The following CELSR1 variants were observed in gnomAD, a reference collection of about 807,000 sequenced individuals.
The protein encoded by CELSR1 is cadherin EGF LAG seven-pass G-type receptor 1, also known as adhesion G protein-coupled receptor C1.
A neutral mutation model predicts 249.1 loss-of-function variants in CELSR1; 110 were observed. That is an observed-to-expected ratio of 0.44 (90% confidence interval 0.38 to 0.52). The LOEUF (loss-of-function observed/expected upper bound fraction) is 0.52, where lower values mean the gene tolerates loss of function less well. Among genes scored for constraint, CELSR1 ranks in the 20% least tolerant of loss-of-function variants. The pLI is 0.00. For synonymous variants in CELSR1, 2,113 were observed against 1,900.0 expected, an observed-to-expected ratio of 1.11 and a Z score of -2.92; for missense variants, 4,109 against 4,296.4, an observed-to-expected ratio of 0.96 and a Z score of 1.22.
chr22:46,398,740 C>A lies in CELSR1; in HGVS notation c.5413-103G>T. The A allele has an allele frequency of 1.2e-6, 1 of 852,478 alleles. No homozygotes were observed. Among genetic ancestry groups the A allele is most frequent in the South Asian group, 1.8e-5 (1 of 56,414 alleles). 52.8% of individuals were successfully genotyped at this position (852,478 alleles called of 1,614,324 possible). ...CTGGAAGTCTAAACAGTCACTTCAACAAACTCCGCAGAGCCTGAGGACATC... is the reference window on the plus strand; with the variant it reads ...CTGGAAGTCTAAACAGTCACTTCAAAAAACTCCGCAGAGCCTGAGGACATC... On this transcript the variant is annotated intron_variant, in intron 10 of 34. Transcript: ENST00000674500. This position sits in a 1 kb window ranked among gnomAD's most constrained non-coding sequence, Gnocchi z 7.2.
chr22:46,411,484 T>C lies in CELSR1; in HGVS notation c.4769+118A>G. 1 of 1,153,852 alleles carries C rather than the reference T, an allele frequency of 8.7e-7. No individual in the cohort carries two copies. The highest frequency in any genetic ancestry group is 1.2e-6 in the Non-Finnish European group (1 of 825,304). The allele number at this position is 1,153,852 out of a possible 1,614,324, so 71.5% of individuals were successfully genotyped here. On this transcript the variant is annotated intron_variant, in intron 6 of 34. Transcript: ENST00000674500. The surrounding 1 kb of genome is among the most constrained non-coding windows in gnomAD (Gnocchi z 4.2). ...CAGGATGTCTGACTCTAGCCTGGAA[T>C]GAGGTCGCCAGGGCACTGCACCCAG...
chr22:46,394,339 C>T, intron 13 of CELSR1, 77 bp from the exon 14 acceptor site: 3 of 1,512,834 alleles, frequency 2.0e-6, no homozygotes, highest in South Asian at 2.5e-5. Context: ...CTGCAGGCAG[C>T]ATGGAGATGG....
At position 46,417,202 on chromosome 22, in the gene CELSR1, G is replaced by A. The variant is rs2079413069; in HGVS notation, c.4612-5443C>T. Among the ~76,000 whole-genome samples, 2 of 152,192 alleles carry A rather than the reference G, an allele frequency of 1.3e-5. No homozygotes were observed. The highest frequency in any genetic ancestry group is 2.9e-5 in the Non-Finnish European group (2 of 68,032). ...CCAGGAAATGTGGGCAAGACCCCGTGCCAGTTCTGGCATGGAGACGACAAG... is the reference window on the plus strand; with the variant it reads ...CCAGGAAATGTGGGCAAGACCCCGTACCAGTTCTGGCATGGAGACGACAAG... On this transcript the variant is annotated intron_variant, in intron 5 of 34. Transcript: ENST00000674500. The surrounding 1 kb of genome is among the most constrained non-coding windows in gnomAD (Gnocchi z 4.1).
chr22:46,377,733 C>T (rs1287155280), intron 23 of CELSR1: 1 of 180,400 alleles, frequency 5.5e-6, no homozygotes, highest in African/African-American at 2.3e-5. Flanking sequence ...TGACATTTGC[C>T]CATGAGACAG....
Position 46,408,880 on chromosome 22 carries a change from C to G in CELSR1, c.5226+116G>C. 1.3e-6 allele frequency: 1 copy of G among 780,900 alleles called. No homozygotes were observed. Among genetic ancestry groups the G allele is most frequent in the Non-Finnish European group, 2.0e-6 (1 of 509,840 alleles). The allele number at this position is 780,900 out of a possible 1,614,324, so 48.4% of individuals were successfully genotyped here. Reference sequence around the variant, plus strand: ...CTCTTCGGAGAACCCCAGGGGCGGGCGCCGGAGGAAGGGCGAGTAGCAGGT... The same window carrying G: ...CTCTTCGGAGAACCCCAGGGGCGGGGGCCGGAGGAAGGGCGAGTAGCAGGT... On this transcript the variant is annotated intron_variant, in intron 9 of 34. Transcript: ENST00000674500. The surrounding 1 kb of genome is among the most constrained non-coding windows in gnomAD (Gnocchi z 4.6).
At chr22:46,523,711 TGCTCTGAGCA>T (rs1293671109) in intron 1 of CELSR1, among the ~76,000 whole-genome samples, 1 of 152,090 alleles carries the variant, frequency 6.6e-6, no homozygotes, top group African/African-American at 2.4e-5. Context: ...CGTCAGCCCC[TGCTCTGAGCA>T]GGCTCCTCAT....
chr22:46,478,257 C>T (rs550372349), intron 1 of CELSR1, among the ~76,000 whole-genome samples: 27 of 152,304 alleles, frequency 1.8e-4, no homozygotes, highest in East Asian at 1.7e-3. Flanking sequence ...GAGATTGACA[C>T]GGGCTGGGCC....
chr22:46,474,785 C>CTGCTTTTT (rs1555925990), intron 1 of CELSR1, among the ~76,000 whole-genome samples: 72 of 45,158 alleles, frequency 1.6e-3, no homozygotes, highest in South Asian at 2.5e-3. Context: ...CTACTCTCTA[C>CTGCTTTTT]TTCTTTTTTT....
At chr22:46,389,931 G>A (rs1420325326) in intron 17 of CELSR1, among the ~76,000 whole-genome samples, 3 of 152,066 alleles carry the variant, frequency 2.0e-5, no homozygotes, top group African/African-American at 7.2e-5. Context: ...TAGCTTAGGA[G>A]ATAGAGTGAG....
Position 46,458,005 on chromosome 22 carries a change from A to G in CELSR1, c.4183+5702T>C, listed in dbSNP as rs148546961. On this transcript the variant is annotated intron_variant, in intron 2 of 34. Coordinates refer to ENST00000674500, the MANE Select transcript of CELSR1 (RefSeq NM_001378328.1). ...CGGTGCCTGCTGCAGACCCGCGGGC[A>G]TGTTCTGTTGGGCGGAGGACGCTGC... is the stretch of plus-strand genomic sequence containing the variant. Among the ~76,000 whole-genome samples, 648 of 152,310 alleles carry G rather than the reference A, an allele frequency of 4.3e-3. 2 individuals carry two copies. Among genetic ancestry groups the G allele is most frequent in the Non-Finnish European group, 7.0e-3 (474 of 68,026 alleles).
Position 46,429,038 on chromosome 22 carries a change from G to A in CELSR1, c.4611+4355C>T, listed in dbSNP as rs766844800. Among the ~76,000 whole-genome samples, 38 of 152,170 alleles carry A rather than the reference G, an allele frequency of 2.5e-4. No individual in the cohort carries two copies. The highest frequency in any genetic ancestry group is 4.6e-4 in the Admixed American group (7 of 15,272). On this transcript the variant is annotated intron_variant, in intron 5 of 34. Coordinates refer to ENST00000674500, the MANE Select transcript of CELSR1 (RefSeq NM_001378328.1). This position sits in a 1 kb window ranked among gnomAD's most constrained non-coding sequence, Gnocchi z 4.1. The stretch of plus-strand genomic sequence containing the variant: ...ACCCTGCCAGGAGCTCCTGGAACAA[G>A]GTGGGGTCTAAACGTGATCCCCGCA...
chr22:46,444,593 A>T (rs2079795799), intron 2 of CELSR1, among the ~76,000 whole-genome samples: 1 of 152,236 alleles, frequency 6.6e-6, no homozygotes, highest in African/African-American at 2.4e-5. Flanking sequence ...TGCTTTTTTA[A>T]TGCGGAGTTG....
chr22:46,511,178 C>T (rs1440464120), intron 1 of CELSR1, among the ~76,000 whole-genome samples: 3 of 152,172 alleles, frequency 2.0e-5, no homozygotes, highest in African/African-American at 7.2e-5. Context: ...ATTATAGACC[C>T]TTGGCAGTTT....
intron 17 of CELSR1, among the ~76,000 whole-genome samples, chr22:46,389,983 A>C (rs1439194655): frequency 6.6e-6 from 1 of 152,102 alleles, no homozygotes. Context: ...AAAAGCCCAA[A>C]AATGAGCACT....
intron 1 of CELSR1, among the ~76,000 whole-genome samples, chr22:46,513,716 A>C (rs1350003405): frequency 6.6e-6 from 1 of 152,188 alleles, no homozygotes; most frequent in East Asian, 1.9e-4. Context: ...TCACCTGCGC[A>C]GAGAGCCTCC....
chr22:46,468,387 A>G lies in CELSR1; in HGVS notation c.3545-4042T>C. ...GGCAACAAAGCAAGACTCTGTCTCA[A>G]AAAAAAAAAAAAATGTGGTCCATGC... On this transcript the variant is annotated intron_variant, in intron 1 of 34. Transcript: ENST00000674500. The surrounding 1 kb of genome is among the most constrained non-coding windows in gnomAD (Gnocchi z 4.5). Among the ~76,000 whole-genome samples, 1 of 48,140 alleles carries G rather than the reference A, an allele frequency of 2.1e-5. No individual in the cohort carries two copies. Among genetic ancestry groups the G allele is most frequent in the Admixed American group, 1.7e-4 (1 of 5,882 alleles). The allele number at this position is 48,140 out of a possible 152,430, so 31.6% of individuals were successfully genotyped here. A position where few individuals can be genotyped will look rare whatever the true frequency, so the allele number is the denominator to read the frequency against.
rs892472853 is a variant in CELSR1 at position 46,506,790 on chromosome 22, G to A, written c.3544+26837C>T. On this transcript the variant is annotated intron_variant, in intron 1 of 34. Coordinates refer to ENST00000674500, the MANE Select transcript of CELSR1 (RefSeq NM_001378328.1). The surrounding 1 kb of genome is among the most constrained non-coding windows in gnomAD (Gnocchi z 4.1). The stretch of plus-strand genomic sequence containing the variant: ...GATGCTGAGATCTCTCCGGAAAGAT[G>A]CCCGATAACAGGAAGCTGAGGCCAA... Among the ~76,000 whole-genome samples the A allele has an allele frequency of 2.6e-5, 4 of 152,204 alleles. No individual in the cohort carries two copies. The highest frequency in any genetic ancestry group is 9.7e-5 in the African/African-American group (4 of 41,446).
At chr22:46,513,771 G>C (rs144992195) in intron 1 of CELSR1, among the ~76,000 whole-genome samples, 29 of 152,240 alleles carry the variant, frequency 1.9e-4, no homozygotes, top group African/African-American at 6.3e-4. Flanking sequence ...CAAAGCCATA[G>C]ATAAGTTTAT....
In CELSR1 at chr22:46,397,848, C is replaced by A; in HGVS notation, c.5527G>T (p.Gly1843Ter). Residue 1843 changes from glycine (G) to a stop codon, truncating the protein, a stop_gained and splice_region_variant, in exon 12 of 35, where the codon GGA becomes TGA. Coordinates refer to ENST00000674500, the MANE Select transcript of CELSR1 (RefSeq NM_001378328.1). LOFTEE classifies it high-confidence loss of function. ...GTGGGCGTCCCCCCCATCCTCACTC[C>A]CTGCATTAAGTAAACGGCACTGGGG... The part of the protein sequence containing the change: ...VRRGFRGCMQ[G>*]VRMGGTPTNV... 2 of 1,557,218 alleles carry A rather than the reference C, an allele frequency of 1.3e-6. No individual in the cohort carries two copies. The highest frequency in any genetic ancestry group is 2.3e-5 in the East Asian group (1 of 42,706).
Sources: gnomAD v4.1 joint callset for allele counts (sites outside exome capture counted in the v4.1 genomes callset) on GRCh38, gnomAD v4.1.1 for gene constraint, Gnocchi (gnomAD v3.1) non-coding constraint, MANE v1.5 for transcripts, NCBI Gene and HGNC (gene_info 2026-07-23, HGNC 2026-07-21) for gene names.